PRRG1: variants seen among roughly 807,000 people sequenced by gnomAD.
The protein encoded by PRRG1 is proline rich and Gla domain 1.
A neutral mutation model predicts 11.8 loss-of-function variants in PRRG1; 5 were observed. The ratio of observed to expected loss-of-function variants is 0.42; its 90% CI spans 0.22 to 0.89. The LOEUF is 0.89. Among genes scored for constraint, PRRG1 ranks in the 40% least tolerant of loss-of-function variants. The pLI is 0.28. For missense variants in PRRG1, 155 were observed against 166.1 expected, an observed-to-expected ratio of 0.93 and a Z score of 0.37; for synonymous variants, 66 against 60.4, an observed-to-expected ratio of 1.09 and a Z score of -0.43.
At chrX:37,404,515 G>A (rs1336503034) in intron 1 of PRRG1, among the ~76,000 whole-genome samples, 2 of 111,065 alleles carry the variant, frequency 1.8e-5, no homozygotes, top group Non-Finnish European at 3.8e-5. Context: ...CTTTCCTAAA[G>A]GTTTCCCAGA....
At chrX:37,399,808 CA>C (rs782068315) in intron 1 of PRRG1, among the ~76,000 whole-genome samples, 1 of 105,114 alleles carries the variant, frequency 9.5e-6, no homozygotes, top group Non-Finnish European at 2.0e-5. Flanking sequence ...AAATGGAAAA[CA>C]AAAAAAGGCA....
chrX:37,434,413 A>G (rs782083399), intron 3 of PRRG1, among the ~76,000 whole-genome samples: 2 of 112,158 alleles, frequency 1.8e-5, no homozygotes, highest in Admixed American at 9.5e-5. Context: ...GAGTTCTGAT[A>G]GAAACAGCAG....
rs186345010 is a variant in PRRG1, at chrX:37,428,315, C to T, written c.171+2315C>T. 5.5e-4 allele frequency among the ~76,000 whole-genome samples: 61 copies of T among 111,609 alleles called. 1 individual carries two copies. Among genetic ancestry groups the T allele is most frequent in the Admixed American group, 5.2e-3 (55 of 10,527 alleles). ...GTCCAAAGTCTAATCTGAGACAAGG[C>T]GTGTCCCTTCCGCCTATGAGTGTAT... On this transcript the variant is annotated intron_variant, in intron 3 of 3. Transcript: ENST00000378628.
In PRRG1 at chrX:37,391,056, T is replaced by C. The variant is rs1931512428; in HGVS notation, c.-41-15153T>C. The stretch of plus-strand genomic sequence containing the variant: ...AAATGGTCGTCACTAAAAATGCTCC[T>C]TCATTTTTAATCTGTTTGATTCCTT... On this transcript the variant is annotated intron_variant, in intron 1 of 3. Transcript: ENST00000378628. 3.6e-5 allele frequency among the ~76,000 whole-genome samples: 4 copies of C among 111,982 alleles called. No individual in the cohort carries two copies. The Admixed American group carries it at 3.8e-4, about 11-fold the overall frequency.
In PRRG1 at chrX:37,456,840, A is replaced by T. The variant is rs1921376806; in HGVS notation, c.*3219A>T. The T allele has an allele frequency of 8.9e-6, 1 of 112,195 alleles. No homozygotes were observed. Among genetic ancestry groups the T allele is most frequent in the Non-Finnish European group, 1.9e-5 (1 of 53,246 alleles). 9.2% of individuals were successfully genotyped at this position (112,195 alleles called of 1,213,427 possible). On this transcript the variant is annotated 3_prime_UTR_variant, in exon 4 of 4. Coordinates refer to ENST00000378628, the MANE Select transcript of PRRG1 (RefSeq NM_001142395.2). ...TAGTACCTTTCTTAAGGAGTAACTG[A>T]ATTGAATCAACCAGTTTGCATTTAA...
At chrX:37,425,516 G>C (rs1932761816) in intron 2 of PRRG1, among the ~76,000 whole-genome samples, 2 of 112,044 alleles carry the variant, frequency 1.8e-5, no homozygotes, top group Non-Finnish European at 3.8e-5. Context: ...ATGCCTTGGG[G>C]TATCTACTTA....
At position 37,359,322 on chromosome X, in the gene PRRG1, T is replaced by A. The variant is rs947191616; in HGVS notation, c.-42+9927T>A. On this transcript the variant is annotated intron_variant, in intron 1 of 3. Coordinates refer to ENST00000378628, the MANE Select transcript of PRRG1 (RefSeq NM_001142395.2). ...GAGTTCCCATCTATTCCTAGTTTGC[T>A]GAGAGTTTTTTTTTTTTTAAATCAT... Among the ~76,000 whole-genome samples the A allele has an allele frequency of 2.1e-4, 23 of 108,387 alleles. 2 individuals are homozygous for A. The highest frequency in any genetic ancestry group is 1.8e-3 in the Admixed American group (19 of 10,279). 94.1% of individuals were successfully genotyped at this position (108,387 alleles called of 115,157 possible).
At chrX:37,433,492 C>G (rs1556391119) in intron 3 of PRRG1, among the ~76,000 whole-genome samples, 1 of 109,759 alleles carries the variant, frequency 9.1e-6, no homozygotes, top group East Asian at 2.9e-4. Flanking sequence ...AGAAAGCACT[C>G]TACCTTAAAT....
intron 3 of PRRG1, among the ~76,000 whole-genome samples, chrX:37,432,118 C>T (rs1375125280): frequency 3.8e-5 from 4 of 104,453 alleles, no homozygotes; most frequent in Admixed American, 1.0e-4. Context: ...GATGGAGTCT[C>T]GCTCTGTCGC....
intron 2 of PRRG1, among the ~76,000 whole-genome samples, chrX:37,424,744 G>A (rs782263354): frequency 3.6e-5 from 4 of 110,460 alleles, no homozygotes; most frequent in Non-Finnish European, 5.7e-5. Flanking sequence ...ATACTTTAAA[G>A]AATCCTAAAT....
At chrX:37,362,538 T>C (rs1930444340) in intron 1 of PRRG1, among the ~76,000 whole-genome samples, 1 of 111,812 alleles carries the variant, frequency 8.9e-6, no homozygotes, top group Non-Finnish European at 1.9e-5. Flanking sequence ...CAGATCAAAC[T>C]GTTCACTTTC....
chrX:37,430,028 C>T (rs1932810731), intron 3 of PRRG1, among the ~76,000 whole-genome samples: 1 of 111,945 alleles, frequency 8.9e-6, no homozygotes, highest in Non-Finnish European at 1.9e-5. Flanking sequence ...CCCCCAGGCC[C>T]CTCCCACAGC....
chrX:37,426,820 C>T (rs1034066611), intron 3 of PRRG1, among the ~76,000 whole-genome samples: 8 of 111,838 alleles, frequency 7.2e-5, no homozygotes, highest in Admixed American at 3.8e-4. Context: ...CCTTTGCATC[C>T]GCTTAGTCAT....
intron 2 of PRRG1, among the ~76,000 whole-genome samples, chrX:37,418,976 A>G (rs782080611): frequency 3.6e-5 from 4 of 112,228 alleles, no homozygotes; most frequent in Non-Finnish European, 7.5e-5. Flanking sequence ...TCCCCTGTAG[A>G]TAAAGCATCA....
chrX:37,391,945 C>T (rs1275468171), intron 1 of PRRG1, among the ~76,000 whole-genome samples: 2 of 109,715 alleles, frequency 1.8e-5, no homozygotes, highest in East Asian at 5.7e-4. Flanking sequence ...ATTGATGGTG[C>T]TGGATCTCTG....
At position 37,440,432 on chromosome X, in the gene PRRG1, C is replaced by G. The variant is rs782134408; in HGVS notation, c.172-12704C>G. 3.6e-5 allele frequency among the ~76,000 whole-genome samples: 4 copies of G among 111,860 alleles called. No homozygotes were observed. In the South Asian group the frequency reaches 1.5e-3, roughly 42 times the overall value. On this transcript the variant is annotated intron_variant, in intron 3 of 3. Coordinates refer to ENST00000378628, the MANE Select transcript of PRRG1 (RefSeq NM_001142395.2). The stretch of plus-strand genomic sequence containing the variant: ...GTGGCAATCTGAACTTTTAAACAGA[C>G]AATTTTGAACTTTTTTGGTTTGAGG...
intron 3 of PRRG1, among the ~76,000 whole-genome samples, chrX:37,444,011 G>A (rs1556394537): frequency 9.0e-6 from 1 of 111,584 alleles, no homozygotes; most frequent in African/African-American, 3.3e-5. Context: ...TGTGTAGCTC[G>A]AGTCTTTTTA....
intron 1 of PRRG1, among the ~76,000 whole-genome samples, chrX:37,376,551 G>GTATATATATATATATATATA (rs542194109): frequency 0.034 from 914 of 26,877 alleles, 192 homozygotes; most frequent in Non-Finnish European, 0.063. Flanking sequence ...AAATGTGAGT[G>GTATATATATATATATATATA]TATATATATA....
Position 37,455,569 on chromosome X carries a change from C to T in PRRG1, c.*1948C>T, listed in dbSNP as rs1921323720. 1 of 112,170 alleles carries T rather than the reference C, an allele frequency of 8.9e-6. No homozygotes were observed. Among genetic ancestry groups the T allele is most frequent in the South Asian group, 3.7e-4 (1 of 2,699 alleles). The allele number at this position is 112,170 out of a possible 1,213,427, so 9.2% of individuals were successfully genotyped here. A position where few individuals can be genotyped will look rare whatever the true frequency, so the allele number is the denominator to read the frequency against. ...GTGCCAACTGAAAGATGATAGTCCACACAGCACAAACAGGTTTAAGCAAAT... is the reference window on the plus strand; with the variant it reads ...GTGCCAACTGAAAGATGATAGTCCATACAGCACAAACAGGTTTAAGCAAAT... On this transcript the variant is annotated 3_prime_UTR_variant, in exon 4 of 4. Coordinates refer to ENST00000378628, the MANE Select transcript of PRRG1 (RefSeq NM_001142395.2).
Sources: gnomAD v4.1 joint callset for allele counts (sites outside exome capture counted in the v4.1 genomes callset) on GRCh38, gnomAD v4.1.1 for gene constraint, MANE v1.5 for transcripts, NCBI Gene and HGNC (gene_info 2026-07-23, HGNC 2026-07-21) for gene names.